Variants in SNX29 observed in about 807,000 individuals in gnomAD.
The protein encoded by SNX29 is sorting nexin 29.
In SNX29, 78 loss-of-function variants were observed where a neutral mutation model predicts 102.1. The ratio of observed to expected loss-of-function variants is 0.76; its 90% CI spans 0.64 to 0.92. The LOEUF (loss-of-function observed/expected upper bound fraction) is 0.92. Ranked by LOEUF, SNX29 falls within the 40% of genes least tolerant of loss-of-function variation. The pLI, the probability that SNX29 is intolerant of heterozygous loss-of-function variation, is 0.00. For missense variants in SNX29, 1,280 were observed against 1,061.7 expected (o/e 1.21, Z -2.86); for synonymous variants, 580 against 414.5 (o/e 1.40, Z -4.85).
chr16:12,058,821 T>G (rs1453226154), intron 8 of SNX29, among the ~76,000 whole-genome samples: 1 of 146,498 alleles, frequency 6.8e-6, no homozygotes, highest in Non-Finnish European at 1.5e-5. Flanking sequence ...TTTTTTTTTT[T>G]TTTCTCTGTG....
chr16:12,531,266 G>A (rs550177652), intron 20 of SNX29, among the ~76,000 whole-genome samples: 2 of 152,350 alleles, frequency 1.3e-5, no homozygotes, highest in Admixed American at 1.3e-4. Context: ...TGGTCAGGGC[G>A]CACTGGGACC....
intron 9 of SNX29, among the ~76,000 whole-genome samples, chr16:12,066,885 C>T (rs986784455): frequency 6.6e-5 from 10 of 151,744 alleles, no homozygotes; most frequent in East Asian, 1.9e-4. Context: ...GTTTTACATG[C>T]GTTAAGATGT....
intron 12 of SNX29, among the ~76,000 whole-genome samples, chr16:12,127,049 A>T (rs2054242846): frequency 6.6e-6 from 1 of 152,114 alleles, no homozygotes; most frequent in Non-Finnish European, 1.5e-5. Context: ...CAGGTGGATC[A>T]CAAGGTCAGG....
At position 12,403,481 on chromosome 16, in the gene SNX29, C is replaced by G. The variant is rs770975957; in HGVS notation, c.1989C>G (p.Pro663=). 3.1e-6 allele frequency: 5 copies of G among 1,608,646 alleles called. No individual in the cohort carries two copies. The highest frequency in any genetic ancestry group is 2.5e-6 in the Non-Finnish European group (3 of 1,177,556). ...SNRALINVWI[P]SVFLRGKAAN... ...GGGCGCTGATCAACGTCTGGATCCC[C>G]TCAGTGTTTCTCCGGGGCAAAGCAG... The change falls in exon 18 of 21, where the codon CCC becomes CCG. Residue 663 remains proline, a synonymous_variant. Transcript: ENST00000566228.
At chr16:12,283,613 G>C (rs1373425166) in intron 15 of SNX29, among the ~76,000 whole-genome samples, 2 of 152,134 alleles carry the variant, frequency 1.3e-5, no homozygotes, top group Non-Finnish European at 2.9e-5. Context: ...GCCACTTGCA[G>C]AGCGACTTCT....
At chr16:12,411,596 A>G (rs79012854) in intron 18 of SNX29, among the ~76,000 whole-genome samples, 2,025 of 152,286 alleles carry the variant, frequency 0.013, 45 homozygotes, top group African/African-American at 0.046. Flanking sequence ...ATTCGTCCCA[A>G]AGCTGTTGAT....
rs981869964 is a variant in SNX29 at position 12,572,490 on chromosome 16, C to T, written c.*3861C>T. On this transcript the variant is annotated 3_prime_UTR_variant, in exon 21 of 21. Transcript: ENST00000566228. ...ACCCTGAGGACCAGTTCTTGGGGTTCCAGGCCTCGGCCTTCCTGCTCCACG... is the reference window on the plus strand; with the variant it reads ...ACCCTGAGGACCAGTTCTTGGGGTTTCAGGCCTCGGCCTTCCTGCTCCACG... 9.4e-7 allele frequency: 1 copy of T among 1,063,998 alleles called. No homozygotes were observed. The highest frequency in any genetic ancestry group is 1.1e-6 in the Non-Finnish European group (1 of 878,448). The allele number at this position is 1,063,998 out of a possible 1,614,324, so 65.9% of individuals were successfully genotyped here. A position where few individuals can be genotyped will look rare whatever the true frequency, so the allele number is the denominator to read the frequency against.
At chr16:12,552,360 A>G (rs187831944) in intron 20 of SNX29, among the ~76,000 whole-genome samples, 45 of 152,298 alleles carry the variant, frequency 3.0e-4, no homozygotes, top group African/African-American at 9.9e-4. Context: ...TAATAAGCCA[A>G]TACACGTGTA....
chr16:12,350,734 G>A (rs1015235087), intron 15 of SNX29, among the ~76,000 whole-genome samples: 1 of 152,190 alleles, frequency 6.6e-6, no homozygotes, highest in Non-Finnish European at 1.5e-5. Flanking sequence ...TGCTCCTTTT[G>A]TGTTTACCAG....
chr16:12,172,592 C>T (rs2076173694), intron 13 of SNX29, among the ~76,000 whole-genome samples: 1 of 152,178 alleles, frequency 6.6e-6, no homozygotes, highest in Non-Finnish European at 1.5e-5. Flanking sequence ...CTCTTCCTTT[C>T]AGCAATGTTG....
At chr16:12,554,816 A>C (rs951805123) in intron 20 of SNX29, among the ~76,000 whole-genome samples, 1 of 152,156 alleles carries the variant, frequency 6.6e-6, no homozygotes, top group Non-Finnish European at 1.5e-5. Flanking sequence ...TGTATTGAGC[A>C]CCTGCTCTGT....
intron 18 of SNX29, among the ~76,000 whole-genome samples, chr16:12,407,560 T>C (rs1430312824): frequency 6.6e-6 from 1 of 152,220 alleles, no homozygotes; most frequent in African/African-American, 2.4e-5. Context: ...AAGGAACAGA[T>C]AGACTGTGAT....
intron 19 of SNX29, among the ~76,000 whole-genome samples, chr16:12,517,071 G>A (rs1306604556): frequency 6.6e-6 from 1 of 152,188 alleles, no homozygotes; most frequent in African/African-American, 2.4e-5. Flanking sequence ...TCCCAGTGCC[G>A]TCTATGAATA....
At chr16:12,058,058 G>A (rs1172449684) in intron 8 of SNX29, among the ~76,000 whole-genome samples, 1 of 152,074 alleles carries the variant, frequency 6.6e-6, no homozygotes, top group Admixed American at 6.6e-5. Flanking sequence ...GACCTCAGGT[G>A]ATCTGCCCAC....
At position 12,573,400 on chromosome 16, in the gene SNX29, A is replaced by G. The variant is rs921177315; in HGVS notation, c.*4771A>G. The G allele has an allele frequency of 3.1e-5, 7 of 224,080 alleles. No homozygotes were observed. Among genetic ancestry groups the G allele is most frequent in the South Asian group, 1.8e-4 (1 of 5,444 alleles). 13.9% of individuals were successfully genotyped at this position (224,080 alleles called of 1,614,324 possible). A position where few individuals can be genotyped will look rare whatever the true frequency, so the allele number is the denominator to read the frequency against. On this transcript the variant is annotated 3_prime_UTR_variant, in exon 21 of 21. Coordinates refer to ENST00000566228, the MANE Select transcript of SNX29 (RefSeq NM_032167.5). ...GTATCCTTCCTTATAGCTAGTTTCT[A>G]TAGAGAAGTGAAAAAGAAATCTGGC...
rs117471324 is a variant in SNX29, at chr16:12,215,178, C to T, written c.1678+15495C>T. Among the ~76,000 whole-genome samples, 11 of 152,244 alleles carry T rather than the reference C, an allele frequency of 7.2e-5. No individual in the cohort carries two copies. In the East Asian group the frequency reaches 1.9e-3, roughly 27 times the overall value. On this transcript the variant is annotated intron_variant, in intron 14 of 20. Transcript: ENST00000566228. ...AGGTGGGTACTATTATCCCCATTTA[C>T]ACGGGAGAACTGAAGCTTAGAAAGG...
chr16:12,153,877 A>G (rs1031795928), intron 13 of SNX29, among the ~76,000 whole-genome samples: 10 of 152,128 alleles, frequency 6.6e-5, no homozygotes, highest in African/African-American at 2.4e-4. Context: ...GTTGAGCTTT[A>G]AATTGAAGAA....
At chr16:12,356,480 T>C (rs1049634294) in intron 16 of SNX29, among the ~76,000 whole-genome samples, 16 of 152,226 alleles carry the variant, frequency 1.1e-4, no homozygotes, top group African/African-American at 3.6e-4. Flanking sequence ...TGAAGCAACA[T>C]TTCCTGTTTC....
chr16:12,461,645 A>T (rs1476977293), intron 18 of SNX29, among the ~76,000 whole-genome samples: 3 of 151,944 alleles, frequency 2.0e-5, no homozygotes, highest in African/African-American at 7.3e-5. Flanking sequence ...GTTTTCCTTT[A>T]AATTTTTTAT....
Sources: allele counts gnomAD v4.1 joint callset (sites outside exome capture counted in the v4.1 genomes callset), GRCh38; gene constraint gnomAD v4.1.1; transcripts MANE v1.5; gene names NCBI Gene and HGNC (gene_info 2026-07-23, HGNC 2026-07-21).